The following EXT1 variants were observed in gnomAD, a reference collection of about 807,000 sequenced individuals.
EXT1 encodes exostosin glycosyltransferase 1.
A neutral mutation model predicts 82.5 loss-of-function variants in EXT1; 20 were observed. The ratio of observed to expected loss-of-function variants is 0.24; its 90% CI spans 0.17 to 0.35. The LOEUF is 0.35. Ranked by LOEUF, EXT1 falls within the 10% of genes least tolerant of loss-of-function variation. EXT1 has a pLI of 1.00. For missense variants in EXT1, 757 were observed against 936.5 expected, an observed-to-expected ratio of 0.81 and a Z score of 2.50; for synonymous variants, 348 against 350.8, an observed-to-expected ratio of 0.99 and a Z score of 0.09.
rs750250958 is a variant in EXT1 at position 118,110,828 on chromosome 8, G to T, written c.219C>A (p.Asn73Lys). 1.2e-6 allele frequency: 2 copies of T among 1,612,626 alleles called. No homozygotes were observed. The highest frequency in any genetic ancestry group is 2.2e-5 in the South Asian group (2 of 91,048). Residue 73 changes from asparagine (N) to lysine (K), a missense_variant, in exon 1 of 11, where the codon AAC becomes AAA. This residue lies in a region of EXT1 where 175 missense variants were observed against 159.0 expected (regional missense o/e 1.10). Coordinates refer to ENST00000378204, the MANE Select transcript of EXT1 (RefSeq NM_000127.3). ...GGGAAATGTGCACGCTGGAATCCTC[G>T]TTTTCCAATTGATCCCAAGGAACGA... ...RPFVPWDQLE[N>K]EDSSVHISPR...
chr8:117,817,865 A>G (rs1306983246), intron 7 of EXT1, among the ~76,000 whole-genome samples: 1 of 152,246 alleles, frequency 6.6e-6, no homozygotes, highest in African/African-American at 2.4e-5. Context: ...GATCAGAAAG[A>G]TAGTTCAGCT....
In EXT1 at chr8:118,024,498, A is replaced by C. The variant is rs1465322965; in HGVS notation, c.962+85587T>G. Among the ~76,000 whole-genome samples, 12 of 151,184 alleles carry C rather than the reference A, an allele frequency of 7.9e-5. No individual in the cohort carries two copies. The Admixed American group carries it at 7.9e-4, about 10-fold the overall frequency. On this transcript the variant is annotated intron_variant, in intron 1 of 10. Transcript: ENST00000378204. The stretch of plus-strand genomic sequence containing the variant: ...TCCTATTATATTCCAGGTAATGCAC[A>C]GACTCTAGGGATAAAACAGCTTTAA...
chr8:117,823,711 T>C (rs1411408961), intron 4 of EXT1, among the ~76,000 whole-genome samples: 1 of 152,152 alleles, frequency 6.6e-6, no homozygotes, highest in Non-Finnish European at 1.5e-5. Context: ...CATTTATCTT[T>C]GCAAATCTTA....
intron 1 of EXT1, among the ~76,000 whole-genome samples, chr8:118,084,376 G>A (rs886679321): frequency 6.6e-6 from 1 of 152,216 alleles, no homozygotes; most frequent in Non-Finnish European, 1.5e-5. Context: ...TACTACCATA[G>A]TACTTGTCAT....
intron 1 of EXT1, among the ~76,000 whole-genome samples, chr8:117,841,565 G>A (rs1812274590): frequency 6.6e-6 from 1 of 152,140 alleles, no homozygotes; most frequent in Non-Finnish European, 1.5e-5. Context: ...AAGTAGGTGA[G>A]GGAGACAACT....
chr8:118,061,364 C>T (rs1816877457), intron 1 of EXT1, among the ~76,000 whole-genome samples: 1 of 152,176 alleles, frequency 6.6e-6, no homozygotes, highest in Non-Finnish European at 1.5e-5. Context: ...AATCAAGAGT[C>T]TCCAAGTTGA....
Position 118,007,942 on chromosome 8 carries a change from G to T in EXT1, c.962+102143C>A, listed in dbSNP as rs187972494. ...GGGGCAGTGCTGGCAGAGGAGGCAC[G>T]CAGGTGGAAGGGAGACTGTTTTCAC... On this transcript the variant is annotated intron_variant, in intron 1 of 10. Transcript: ENST00000378204. Among the ~76,000 whole-genome samples, 637 of 152,292 alleles carry T rather than the reference G, an allele frequency of 4.2e-3. 4 individuals carry two copies. Among genetic ancestry groups the T allele is most frequent in the African/African-American group, 0.015 (604 of 41,572 alleles).
chr8:117,857,428 C>T (rs1011418081), intron 1 of EXT1, among the ~76,000 whole-genome samples: 4 of 152,026 alleles, frequency 2.6e-5, no homozygotes, highest in African/African-American at 9.7e-5. Context: ...CATGGTGGCT[C>T]ACACCTATAA....
chr8:117,977,698 G>A (rs1815096613), intron 1 of EXT1, among the ~76,000 whole-genome samples: 1 of 152,172 alleles, frequency 6.6e-6, no homozygotes, highest in African/African-American at 2.4e-5. Flanking sequence ...GGGTTGTGGG[G>A]TCCTCCTAAT....
chr8:118,024,877 G>A (rs1816175308), intron 1 of EXT1, among the ~76,000 whole-genome samples: 1 of 152,180 alleles, frequency 6.6e-6, no homozygotes, highest in African/African-American at 2.4e-5. Context: ...TAGCAGCAGT[G>A]AGATATTAAA....
At chr8:117,854,341 T>C (rs550897448) in intron 1 of EXT1, among the ~76,000 whole-genome samples, 16 of 152,238 alleles carry the variant, frequency 1.1e-4, no homozygotes, top group African/African-American at 3.9e-4. Flanking sequence ...AAGGATCATA[T>C]TGTGAAGGTA....
chr8:117,902,029 C>A (rs1228656792), intron 1 of EXT1, among the ~76,000 whole-genome samples: 1 of 148,206 alleles, frequency 6.7e-6, no homozygotes, highest in African/African-American at 2.5e-5. Flanking sequence ...TTTTTTTTTA[C>A]TTGTTCAACT....
At chr8:117,913,798 T>C (rs1586281380) in intron 1 of EXT1, among the ~76,000 whole-genome samples, 1 of 152,212 alleles carries the variant, frequency 6.6e-6, no homozygotes, top group South Asian at 2.1e-4. Flanking sequence ...AAACATTATC[T>C]CACTTGCTTT....
chr8:118,110,795 C>G lies in EXT1; in HGVS notation c.252G>C (p.Gln84His), dbSNP rs376231630. 2.6e-5 allele frequency: 42 copies of G among 1,613,508 alleles called. No individual in the cohort carries two copies. Among genetic ancestry groups the G allele is most frequent in the Non-Finnish European group, 3.5e-5 (41 of 1,179,606 alleles). Residue 84 changes from glutamine to histidine, a missense_variant, in exon 1 of 11, where the codon CAG becomes CAC. Transcript: ENST00000378204. ...AGATGCTGGAGTTGGCATCTCGCTT[C>G]TGCCGGGGGGAAATGTGCACGCTGG... Reference protein sequence around the residue: ...EDSSVHISPRQKRDANSSIYK... With the variant: ...EDSSVHISPRHKRDANSSIYK...
intron 1 of EXT1, among the ~76,000 whole-genome samples, chr8:117,852,073 GAAGT>G (rs1346752296): frequency 6.6e-6 from 1 of 152,218 alleles, no homozygotes; most frequent in African/African-American, 2.4e-5. Flanking sequence ...AAAATCCTAT[GAAGT>G]AAGTAGCATT....
chr8:118,087,455 T>C (rs1817443198), intron 1 of EXT1, among the ~76,000 whole-genome samples: 1 of 152,160 alleles, frequency 6.6e-6, no homozygotes, highest in South Asian at 2.1e-4. Context: ...AAAACGTACG[T>C]AGAAGTTTGA....
chr8:117,822,496 C>T lies in EXT1; in HGVS notation c.1386G>A (p.Leu462=). ...LFVLPQYSSY[L]GDFPYYYANL... The stretch of plus-strand genomic sequence containing the variant: ...TAGCATAGTAGTAAGGAAAATCTCC[C>T]AGATAAGATGAATACTGTGGTAGTA... Residue 462 remains leucine (L), a synonymous_variant, in exon 5 of 11, where the codon CTG becomes CTA. Coordinates refer to ENST00000378204, the MANE Select transcript of EXT1 (RefSeq NM_000127.3). 6.2e-7 allele frequency: 1 copy of T among 1,613,434 alleles called. No homozygotes were observed.
chr8:117,816,348 A>C (rs1811819830), intron 7 of EXT1, among the ~76,000 whole-genome samples: 1 of 152,200 alleles, frequency 6.6e-6, no homozygotes, highest in Non-Finnish European at 1.5e-5. Flanking sequence ...TGCATGTATA[A>C]TATGCATAGG....
At chr8:117,950,425 G>T (rs572347713) in intron 1 of EXT1, among the ~76,000 whole-genome samples, 113 of 152,274 alleles carry the variant, frequency 7.4e-4, no homozygotes, top group African/African-American at 2.6e-3. Flanking sequence ...ACTTTGTTCA[G>T]GGTTCAACAC....
Sources: gnomAD v4.1 joint callset for allele counts (sites outside exome capture counted in the v4.1 genomes callset) on GRCh38, gnomAD v4.1.1 for gene constraint, gnomAD v4.1.1 regional missense constraint, MANE v1.5 for transcripts, NCBI Gene and HGNC (gene_info 2026-07-23, HGNC 2026-07-21) for gene names.